Variants in LPP observed in about 807,000 individuals in gnomAD.
LPP encodes the protein LIM domain containing preferred translocation partner in lipoma.
Under a neutral mutation model 60.4 loss-of-function variants are expected in LPP, and 38 were observed. The observed-to-expected ratio is 0.63, with a 90% CI of 0.49 to 0.83. The LOEUF is 0.83. LPP is among the 40% of genes least tolerant of loss of function. The probability of loss-of-function intolerance (pLI) is 0.00; values close to 1 mark genes in which losing one functional copy is unlikely to be tolerated. For synonymous variants in LPP, 328 were observed against 290.8 expected (o/e 1.13, Z -1.30); for missense variants, 902 against 783.6 (o/e 1.15, Z -1.80).
chr3:188,858,013 C>A (rs1764250521), intron 9 of LPP, among the ~76,000 whole-genome samples: 1 of 152,158 alleles, frequency 6.6e-6, no homozygotes, highest in African/African-American at 2.4e-5. Flanking sequence ...AACCTCACAA[C>A]ACTGCAATGT....
intron 2 of LPP, among the ~76,000 whole-genome samples, chr3:188,252,627 G>A (rs1730269336): frequency 1.3e-5 from 2 of 152,256 alleles, no homozygotes; most frequent in South Asian, 4.1e-4. Flanking sequence ...TTTGATGGAT[G>A]AGAAGTGGTA....
intron 9 of LPP, among the ~76,000 whole-genome samples, chr3:188,770,347 T>C (rs1050326850): frequency 1.6e-5 from 1 of 62,502 alleles, no homozygotes; most frequent in African/African-American, 1.3e-4. Context: ...CCCAGCTATT[T>C]TTTTTTTTTT....
intron 3 of LPP, among the ~76,000 whole-genome samples, chr3:188,388,256 A>G (rs1450000781): frequency 2.0e-5 from 3 of 152,228 alleles, no homozygotes; most frequent in Non-Finnish European, 4.4e-5. Flanking sequence ...TTATTCCTAA[A>G]TGGAAACATA....
intron 9 of LPP, among the ~76,000 whole-genome samples, chr3:188,773,822 C>T (rs1039001260): frequency 6.6e-6 from 1 of 151,640 alleles, no homozygotes; most frequent in African/African-American, 2.4e-5. Flanking sequence ...GTTGGGGCCT[C>T]AGGAAAGAAC....
intron 9 of LPP, among the ~76,000 whole-genome samples, chr3:188,850,627 A>T (rs189622010): frequency 2.6e-4 from 39 of 152,222 alleles, no homozygotes; most frequent in Non-Finnish European, 2.4e-4. Context: ...TATATTTTTT[A>T]AAAAAAGAAA....
At position 188,327,748 on chromosome 3, in the gene LPP, C is replaced by T. The variant is rs371097823; in HGVS notation, c.-66-13915C>T. 1.2e-4 allele frequency among the ~76,000 whole-genome samples: 18 copies of T among 152,240 alleles called. No homozygotes were observed. The South Asian group carries it at 3.5e-3, about 30-fold the overall frequency. ...AAAGTAGAGATGAGCTACTCTTTAT[C>T]TTTCCTAGTGGTTTAGAGCCAAAGT... On this transcript the variant is annotated intron_variant, in intron 2 of 11. Coordinates refer to ENST00000617246, the MANE Select transcript of LPP (RefSeq NM_001375462.1).
chr3:188,855,910 C>T (rs1055843239), intron 9 of LPP, among the ~76,000 whole-genome samples: 3 of 152,144 alleles, frequency 2.0e-5, no homozygotes, highest in Non-Finnish European at 4.4e-5. Context: ...GCCACTGAGC[C>T]ATACAGAGTC....
Position 188,484,663 on chromosome 3 carries a change from C to T in LPP, c.265C>T (p.Pro89Ser), listed in dbSNP as rs752617489. 2 of 1,613,786 alleles carry T rather than the reference C, an allele frequency of 1.2e-6. No homozygotes were observed. Among genetic ancestry groups the T allele is most frequent in the African/African-American group, 1.3e-5 (1 of 74,888 alleles). Residue 89 changes from proline (P) to serine (S), a missense_variant, in exon 5 of 12, where the codon CCT (proline) becomes TCT (serine). Physicochemically the swap from Pro to Ser is moderately conservative, Grantham distance 74. Transcript: ENST00000617246. The part of the protein sequence containing the change: ...SALPSISGNF[P>S]PPPPLDEEAF... ...CCTTCCATCTATCTCTGGAAACTTTCCTCCTCCACCACCTCTTGATGAAGA... is the reference window on the plus strand; with the variant it reads ...CCTTCCATCTATCTCTGGAAACTTTTCTCCTCCACCACCTCTTGATGAAGA...
intron 6 of LPP, among the ~76,000 whole-genome samples, chr3:188,527,223 G>A (rs1039510165): frequency 3.3e-5 from 5 of 151,832 alleles, no homozygotes; most frequent in South Asian, 2.1e-4. Flanking sequence ...GGTGGCGCCC[G>A]CCTGTAATCC....
chr3:188,696,600 TCA>T (rs745340820), intron 7 of LPP, among the ~76,000 whole-genome samples: 2 of 151,842 alleles, frequency 1.3e-5, no homozygotes, highest in Non-Finnish European at 1.5e-5. Flanking sequence ...CAACAACAAC[TCA>T]CAAAGTAAAT....
chr3:188,222,269 T>C (rs1312017800), intron 1 of LPP, among the ~76,000 whole-genome samples: 1 of 152,214 alleles, frequency 6.6e-6, no homozygotes, highest in Non-Finnish European at 1.5e-5. Context: ...ATACAGTATC[T>C]AACAAACTTA....
Position 188,721,610 on chromosome 3 carries a change from A to T in LPP, c.1240+13217A>T, listed in dbSNP as rs574395964. Among the ~76,000 whole-genome samples the T allele has an allele frequency of 3.3e-5, 5 of 152,300 alleles. No homozygotes were observed. The South Asian group carries it at 8.3e-4, about 25-fold the overall frequency. On this transcript the variant is annotated intron_variant, in intron 8 of 11. Transcript: ENST00000617246. ...CATTTCATGCACCAGCTAATGTTTG[A>T]AATATTGAGAAATGTGGATATCATT...
intron 1 of LPP, among the ~76,000 whole-genome samples, chr3:188,163,106 C>T (rs555590336): frequency 5.9e-5 from 9 of 152,262 alleles, no homozygotes; most frequent in Admixed American, 3.9e-4. Context: ...GCCACCATCC[C>T]ACCTTCTCTT....
chr3:188,208,734 A>G (rs1466779975), intron 1 of LPP, among the ~76,000 whole-genome samples: 2 of 152,212 alleles, frequency 1.3e-5, no homozygotes, highest in African/African-American at 2.4e-5. Context: ...TCCTGTAGAC[A>G]TATGTGACTT....
intron 2 of LPP, among the ~76,000 whole-genome samples, chr3:188,293,804 C>T (rs1746854064): frequency 6.6e-6 from 1 of 152,108 alleles, no homozygotes; most frequent in African/African-American, 2.4e-5. Flanking sequence ...ATGGCTCATG[C>T]TTGTAATCTC....
intron 6 of LPP, among the ~76,000 whole-genome samples, chr3:188,548,707 G>A (rs555640062): frequency 6.6e-6 from 1 of 152,316 alleles, no homozygotes; most frequent in Non-Finnish European, 1.5e-5. Flanking sequence ...ATCAGCAACT[G>A]TGCCTCTTCC....
chr3:188,277,209 C>A (rs1193506224), intron 2 of LPP, among the ~76,000 whole-genome samples: 1 of 152,036 alleles, frequency 6.6e-6, no homozygotes, highest in Non-Finnish European at 1.5e-5. Context: ...TGGCCAACCT[C>A]TTTTCTTTTA....
chr3:188,484,785 A>G (rs1380986232), intron 5 of LPP, 81 bp downstream of exon 5: 1 of 1,017,450 alleles, frequency 9.8e-7, no homozygotes, highest in Non-Finnish European at 1.5e-6. Flanking sequence ...GAGCTCATGA[A>G]TTTCATGAGT....
chr3:188,866,913 T>C (rs1766781482), intron 10 of LPP, among the ~76,000 whole-genome samples: 1 of 152,192 alleles, frequency 6.6e-6, no homozygotes, highest in Non-Finnish European at 1.5e-5. Flanking sequence ...CTCTCACATA[T>C]TCAAAGGCAG....
Sources: gnomAD v4.1 joint callset for allele counts (sites outside exome capture counted in the v4.1 genomes callset) on GRCh38, gnomAD v4.1.1 for gene constraint, MANE v1.5 for transcripts, NCBI Gene and HGNC (gene_info 2026-07-23, HGNC 2026-07-21) for gene names.